The following TMTC1 variants were observed in gnomAD, a reference collection of about 807,000 sequenced individuals.
TMTC1 encodes transmembrane O-mannosyltransferase targeting cadherins 1.
In TMTC1, 73 loss-of-function variants were observed where a neutral mutation model predicts 104.8. That is an observed-to-expected ratio of 0.70 (90% confidence interval 0.58 to 0.85). The LOEUF is 0.85. Ranked by LOEUF, TMTC1 falls within the 40% of genes least tolerant of loss-of-function variation. TMTC1 has a pLI of 0.00. For missense variants in TMTC1, 1,035 were observed against 1,096.1 expected, an observed-to-expected ratio of 0.94 and a Z score of 0.79; for synonymous variants, 434 against 428.7, an observed-to-expected ratio of 1.01 and a Z score of -0.15.
intron 5 of TMTC1, among the ~76,000 whole-genome samples, chr12:29,643,567 TATATA>T (rs1199830032): frequency 7.3e-4 from 64 of 87,358 alleles, no homozygotes; most frequent in Admixed American, 1.5e-3. Context: ...TATATTATAA[TATATA>T]ATATATGTCA....
At chr12:29,646,789 A>G (rs1207659526) in intron 5 of TMTC1, among the ~76,000 whole-genome samples, 1 of 152,208 alleles carries the variant, frequency 6.6e-6, no homozygotes, top group East Asian at 1.9e-4. Context: ...CTCTTCAGCT[A>G]CCGGGGACAC....
At chr12:29,604,596 C>T (rs73073419) in intron 6 of TMTC1, among the ~76,000 whole-genome samples, 12,265 of 152,240 alleles carry the variant, frequency 0.081, 583 homozygotes, top group Middle Eastern at 0.2. Context: ...AGCAACCCTG[C>T]TTCTTGGTTC....
intron 5 of TMTC1, among the ~76,000 whole-genome samples, chr12:29,734,238 G>A (rs1177442422): frequency 6.6e-6 from 1 of 152,132 alleles, no homozygotes; most frequent in Non-Finnish European, 1.5e-5. Flanking sequence ...TTCCAGGAAA[G>A]TACAAATTAT....
At chr12:29,676,806 AT>A (rs1410725725) in intron 5 of TMTC1, among the ~76,000 whole-genome samples, 1 of 152,208 alleles carries the variant, frequency 6.6e-6, no homozygotes, top group Non-Finnish European at 1.5e-5. Flanking sequence ...CAAATGAAGC[AT>A]TTTGTGGGCA....
chr12:29,763,871 C>T (rs1373883438), intron 2 of TMTC1, among the ~76,000 whole-genome samples: 1 of 152,062 alleles, frequency 6.6e-6, no homozygotes, highest in Non-Finnish European at 1.5e-5. Flanking sequence ...ACATGGTGTG[C>T]TTCTGGAAGG....
chr12:29,534,698 G>A (rs772264960), intron 11 of TMTC1: 2 of 152,118 alleles, frequency 1.3e-5, no homozygotes, highest in Non-Finnish European at 2.9e-5. Context: ...ACTACAGAAG[G>A]AACTAAAATA....
intron 6 of TMTC1, among the ~76,000 whole-genome samples, chr12:29,612,540 G>T (rs753454513): frequency 6.6e-6 from 1 of 152,098 alleles, no homozygotes; most frequent in South Asian, 2.1e-4. Flanking sequence ...TCAGCCACCT[G>T]AGTTGGGATT....
At chr12:29,722,494 G>A (rs1942263508) in intron 5 of TMTC1, among the ~76,000 whole-genome samples, 1 of 152,146 alleles carries the variant, frequency 6.6e-6, no homozygotes, top group East Asian at 1.9e-4. Context: ...TTCACTAATT[G>A]TAGGTCTAAG....
At chr12:29,539,712 G>C (rs1944743447) in intron 10 of TMTC1, among the ~76,000 whole-genome samples, 1 of 152,196 alleles carries the variant, frequency 6.6e-6, no homozygotes, top group Non-Finnish European at 1.5e-5. Flanking sequence ...GTGCTCTGAG[G>C]CTTGGCCTCT....
At chr12:29,770,961 C>T (rs912766653) in intron 1 of TMTC1, among the ~76,000 whole-genome samples, 11 of 152,002 alleles carry the variant, frequency 7.2e-5, no homozygotes, top group Non-Finnish European at 1.2e-4. Context: ...TTAACAAAGG[C>T]GTTTATCAAA....
rs532817692 is a variant in TMTC1, at chr12:29,763,414, C to T, written c.480+4484G>A. 2.0e-5 allele frequency among the ~76,000 whole-genome samples: 3 copies of T among 152,276 alleles called. No individual in the cohort carries two copies. In the East Asian group the frequency reaches 5.8e-4, roughly 29 times the overall value. The stretch of plus-strand genomic sequence containing the variant: ...AGTCATTAACTACTGTATGTCTAGA[C>T]CAGCCATTCATTGTGATTCAACTAG... On this transcript the variant is annotated intron_variant, in intron 2 of 17. Transcript: ENST00000539277.
chr12:29,777,346 G>C (rs956589203), intron 1 of TMTC1, among the ~76,000 whole-genome samples: 1 of 152,050 alleles, frequency 6.6e-6, no homozygotes, highest in Non-Finnish European at 1.5e-5. Flanking sequence ...GCCCGCCTCA[G>C]TCTCCCAAAG....
chr12:29,624,615 A>G (rs1299969630), intron 6 of TMTC1, among the ~76,000 whole-genome samples: 1 of 152,062 alleles, frequency 6.6e-6, no homozygotes, highest in Non-Finnish European at 1.5e-5. Context: ...TGCTCTTGGA[A>G]TGCTCTTCCC....
chr12:29,695,909 T>G (rs1176271605), intron 5 of TMTC1, among the ~76,000 whole-genome samples: 1 of 149,296 alleles, frequency 6.7e-6, no homozygotes, highest in African/African-American at 2.4e-5. Flanking sequence ...GGAAGCAACC[T>G]TCCCAGGACT....
At chr12:29,784,700 T>C (rs1250941356), upstream of TMTC1, 9 of 152,362 alleles carry the variant, frequency 5.9e-5, no homozygotes, top group African/African-American at 2.2e-4. Context: ...GAAACATTTC[T>C]TATTTTATTG....
chr12:29,571,816 CTT>C (rs1013981984), intron 9 of TMTC1, among the ~76,000 whole-genome samples: 10 of 152,286 alleles, frequency 6.6e-5, no homozygotes, highest in African/African-American at 1.9e-4. Flanking sequence ...ACAACCAACT[CTT>C]GTTTGCACGT....
intron 7 of TMTC1, among the ~76,000 whole-genome samples, chr12:29,599,602 A>C (rs1288700104): frequency 6.6e-6 from 1 of 152,196 alleles, no homozygotes; most frequent in Non-Finnish European, 1.5e-5. Context: ...TTCTTGTAAA[A>C]TGGCCAAATC....
intron 11 of TMTC1, among the ~76,000 whole-genome samples, chr12:29,529,096 A>G (rs905312958): frequency 2.0e-5 from 3 of 152,162 alleles, no homozygotes; most frequent in African/African-American, 7.2e-5. Context: ...GGCAAAGGAG[A>G]CAGTATTTTA....
At chr12:29,719,357 A>G (rs1942172032) in intron 5 of TMTC1, among the ~76,000 whole-genome samples, 1 of 152,154 alleles carries the variant, frequency 6.6e-6, no homozygotes, top group South Asian at 2.1e-4. Flanking sequence ...GTTGCATTAT[A>G]TGATTTGCTC....
Sources: gnomAD v4.1 joint callset for allele counts (sites outside exome capture counted in the v4.1 genomes callset) on GRCh38, gnomAD v4.1.1 for gene constraint, MANE v1.5 for transcripts, NCBI Gene and HGNC (gene_info 2026-07-23, HGNC 2026-07-21) for gene names.